Variants in PON2 observed in about 807,000 individuals in gnomAD.
The protein encoded by PON2 is paraoxonase 2.
Under a neutral mutation model 36.6 loss-of-function variants are expected in PON2, and 27 were observed. That is an observed-to-expected ratio of 0.74 (90% CI 0.54 to 1.02). The LOEUF is 1.02. Among genes scored for constraint, PON2 ranks in the 50% least tolerant of loss-of-function variants. The probability of loss-of-function intolerance (pLI) is 0.00; values close to 1 mark genes in which losing one functional copy is unlikely to be tolerated. For synonymous variants in PON2, 149 were observed against 156.3 expected, an observed-to-expected ratio of 0.95 and a Z score of 0.35; for missense variants, 363 against 421.1, an observed-to-expected ratio of 0.86 and a Z score of 1.21.
intron 4 of PON2, 34 bp downstream of exon 4, chr7:95,412,278 C>T (rs768492289): frequency 9.9e-5 from 160 of 1,610,004 alleles, no homozygotes; most frequent in Non-Finnish European, 1.2e-4. Context: ...AACCATCACA[C>T]GTTACTAAAT....
intron 6 of PON2, chr7:95,409,624 A>C (rs1190795876): frequency 6.6e-6 from 1 of 151,630 alleles, no homozygotes; most frequent in Non-Finnish European, 1.4e-5. Flanking sequence ...GATGTATTCC[A>C]AACTTTATAT....
chr7:95,419,078 A>G (rs1431371349), intron 2 of PON2, among the ~76,000 whole-genome samples: 1 of 152,228 alleles, frequency 6.6e-6, no homozygotes, highest in Non-Finnish European at 1.5e-5. Context: ...TAATTCCTCA[A>G]TATCATCAAA....
chr7:95,411,191 C>A (rs1045281831), intron 5 of PON2, among the ~76,000 whole-genome samples: 1 of 152,088 alleles, frequency 6.6e-6, no homozygotes, highest in African/African-American at 2.4e-5. Context: ...TACTAGCATG[C>A]AACCATCACT....
At chr7:95,422,071 A>G (rs1050424580) in intron 2 of PON2, among the ~76,000 whole-genome samples, 1 of 152,246 alleles carries the variant, frequency 6.6e-6, no homozygotes, top group African/African-American at 2.4e-5. Context: ...CACAAACTCA[A>G]CAGCAATGAT....
In PON2 at chr7:95,406,151, C is replaced by A. The variant is rs773638997; in HGVS notation, c.874G>T (p.Val292Leu). Residue 292 changes from valine (V) to leucine (L), a missense_variant, in exon 8 of 9, where the codon GTG (valine) becomes TTG (leucine). Val to Leu is a conservative substitution (Grantham distance 32). Coordinates refer to ENST00000222572, the MANE Select transcript of PON2 (RefSeq NM_000305.3). The part of the protein sequence containing the change: ...GCHPNGQKLF[V>L]YDPNNPPSSE... ...GAGGGAGGATTGTTCGGGTCATACA[C>A]GAAGAGCTTCTGGCCATTAGGATGA... 1.2e-6 allele frequency: 2 copies of A among 1,613,672 alleles called. No homozygotes were observed. The highest frequency in any genetic ancestry group is 1.3e-5 in the African/African-American group (1 of 74,884).
chr7:95,417,690 G>GACACAC lies in PON2; in HGVS notation c.146-1399_146-1394dup, dbSNP rs555142509. ...CACAGCACATACACATGTACACACAGACACACACACACACACACACACACA... is the reference window on the plus strand; with the variant it reads ...CACAGCACATACACATGTACACACAGACACACACACACACACACACACACACACACA... On this transcript the variant is annotated intron_variant, in intron 2 of 8. Transcript: ENST00000222572. Among the ~76,000 whole-genome samples, 426 of 93,868 alleles carry GACACAC rather than the reference G, an allele frequency of 4.5e-3. 2 individuals are homozygous for GACACAC. Among genetic ancestry groups the GACACAC allele is most frequent in the African/African-American group, 0.014 (387 of 27,146 alleles). 61.6% of individuals were successfully genotyped at this position (93,868 alleles called of 152,430 possible).
rs755418670 is a variant in PON2, at chr7:95,406,123, G to C, written c.902C>G (p.Ser301Ter). Residue 301 changes from serine to a stop codon, truncating the protein, a stop_gained, in exon 8 of 9, where the codon TCA becomes TGA. Coordinates refer to ENST00000222572, the MANE Select transcript of PON2 (RefSeq NM_000305.3). LOFTEE classifies it high-confidence loss of function. ...AAAAACTGAAAATATAAAAACCTCTGACGAGGGAGGATTGTTCGGGTCATA... is the reference window on the plus strand; with the variant it reads ...AAAAACTGAAAATATAAAAACCTCTCACGAGGGAGGATTGTTCGGGTCATA... ...FVYDPNNPPSSEVLRIQNILS... is the reference protein window; with the variant it reads ...FVYDPNNPPS 1.6e-5 allele frequency: 26 copies of C among 1,613,480 alleles called. No homozygotes were observed. In the Admixed American group the frequency reaches 2.2e-4, roughly 13 times the overall value.
chr7:95,428,268 T>G (rs1789360804), intron 1 of PON2, among the ~76,000 whole-genome samples: 1 of 152,208 alleles, frequency 6.6e-6, no homozygotes. Flanking sequence ...ATCACGAGCC[T>G]ATGGTAGGTA....
chr7:95,420,407 A>G (rs1224680917), intron 2 of PON2, among the ~76,000 whole-genome samples: 1 of 152,246 alleles, frequency 6.6e-6, no homozygotes, highest in African/African-American at 2.4e-5. Flanking sequence ...TTTAATATGC[A>G]GATGTTAATC....
At chr7:95,431,562 G>A (rs1383980616) in intron 1 of PON2, among the ~76,000 whole-genome samples, 1 of 151,956 alleles carries the variant, frequency 6.6e-6, no homozygotes, top group Non-Finnish European at 1.5e-5. Flanking sequence ...TGGGATTACA[G>A]GGATGCACCA....
intron 3 of PON2, among the ~76,000 whole-genome samples, chr7:95,415,551 T>C (rs1388557814): frequency 2.0e-5 from 3 of 152,146 alleles, no homozygotes; most frequent in Admixed American, 6.5e-5. Flanking sequence ...TTGCTTCAAG[T>C]TGAATAGTAA....
In PON2 at chr7:95,409,965, C is replaced by T; in HGVS notation, c.631G>A (p.Glu211Lys). The T allele has an allele frequency of 6.2e-7, 1 of 1,613,870 alleles. No homozygotes were observed. Among genetic ancestry groups the T allele is most frequent in the African/African-American group, 1.3e-5 (1 of 75,002 alleles). The change falls in exon 6 of 9, where the codon GAA becomes AAA. Residue 211 changes from glutamate to lysine, a missense_variant. Physicochemically the swap from Glu to Lys is moderately conservative, Grantham distance 56 (BLOSUM62 1). Transcript: ENST00000222572. The stretch of plus-strand genomic sequence containing the variant: ...AATCCTTCTGCTACCACTTTAACTT[C>T]ATTTGGACTGTAGTAAACAACATTT... ...WANVVYYSPN[E>K]VKVVAEGFDS...
At chr7:95,422,491 GAAGAA>G (rs911463815) in intron 2 of PON2, among the ~76,000 whole-genome samples, 3 of 152,138 alleles carry the variant, frequency 2.0e-5, no homozygotes, top group African/African-American at 7.2e-5. Flanking sequence ...GTGCAGTTGT[GAAGAA>G]AAGGTAACAT....
At chr7:95,421,268 G>T (rs116298715) in intron 2 of PON2, among the ~76,000 whole-genome samples, 2,057 of 152,306 alleles carry the variant, frequency 0.014, 51 homozygotes, top group African/African-American at 0.046. Context: ...CCAGTGAGTT[G>T]TAAGAGGAAT....
intron 1 of PON2, among the ~76,000 whole-genome samples, chr7:95,430,765 A>C (rs1011875866): frequency 1.3e-5 from 2 of 152,034 alleles, no homozygotes; most frequent in African/African-American, 4.8e-5. Context: ...GCCTTGAAGA[A>C]AAAAGAAAAA....
chr7:95,405,299 A>C lies in PON2; in HGVS notation c.*31T>G. ...GCAATTCATAGAAAATTAATTGTTA[A>C]GTTATCGCACTTTCATGCCAAAAGT... On this transcript the variant is annotated 3_prime_UTR_variant, in exon 9 of 9. Transcript: ENST00000222572. 1.9e-6 allele frequency: 3 copies of C among 1,607,288 alleles called. No individual in the cohort carries two copies. The highest frequency in any genetic ancestry group is 1.7e-6 in the Non-Finnish European group (2 of 1,174,186).
At position 95,416,259 on chromosome 7, in the gene PON2, G is replaced by A; in HGVS notation, c.184C>T (p.Leu62=). 1 of 1,613,250 alleles carries A rather than the reference G, an allele frequency of 6.2e-7. No individual in the cohort carries two copies. The highest frequency in any genetic ancestry group is 8.5e-7 in the Non-Finnish European group (1 of 1,179,250). The change falls in exon 3 of 9, where the codon CTG becomes TTG. Residue 62 remains leucine (L), a synonymous_variant. Coordinates refer to ENST00000222572, the MANE Select transcript of PON2 (RefSeq NM_000305.3). ...ACACTCACCACACTAAAAAAAGCCA[G>A]ACCATTGGGAAGTATGTCAATATCT... ...SEDIDILPNG[L]AFFSVGLKFP...
chr7:95,411,614 C>G (rs2116462618), intron 5 of PON2, 39 bp downstream of exon 5: 2 of 1,612,352 alleles, frequency 1.2e-6, no homozygotes, highest in East Asian at 4.5e-5. Flanking sequence ...TTTGCAAATG[C>G]TGGGGATAAA....
rs373856920 is a variant in PON2 at position 95,415,608 on chromosome 7, T to C, written c.201+634A>G. 3.9e-4 allele frequency among the ~76,000 whole-genome samples: 60 copies of C among 152,300 alleles called. 2 individuals are homozygous for C. The Middle Eastern group carries it at 0.01, about 26-fold the overall frequency. Reference sequence around the variant, plus strand: ...TATTTAAAATAGTATAATGTTAGTATTGAGTATCCACAGTAAGACCTCAAA... The same window carrying C: ...TATTTAAAATAGTATAATGTTAGTACTGAGTATCCACAGTAAGACCTCAAA... On this transcript the variant is annotated intron_variant, in intron 3 of 8. Coordinates refer to ENST00000222572, the MANE Select transcript of PON2 (RefSeq NM_000305.3).
Sources: allele counts gnomAD v4.1 joint callset (sites outside exome capture counted in the v4.1 genomes callset), GRCh38; gene constraint gnomAD v4.1.1; transcripts MANE v1.5; gene names NCBI Gene and HGNC (gene_info 2026-07-23, HGNC 2026-07-21).